SEL1L3: variants seen among roughly 807,000 people sequenced by gnomAD.
SEL1L3 encodes the protein SEL1L family member 3.
SEL1L3 carries 76 observed loss-of-function variants against 142.8 expected under a neutral mutation model. The observed-to-expected ratio is 0.53, with a 90% CI of 0.44 to 0.64. The LOEUF is 0.64. SEL1L3 is among the 30% of genes least tolerant of loss of function. The pLI, the probability that SEL1L3 is intolerant of heterozygous loss-of-function variation, is 0.00. For synonymous variants in SEL1L3, 504 were observed against 519.6 expected (o/e 0.97, Z 0.41); for missense variants, 1,262 against 1,381.7 (o/e 0.91, Z 1.37).
intron 9 of SEL1L3, among the ~76,000 whole-genome samples, chr4:25,814,116 C>A (rs1714212741): frequency 6.6e-6 from 1 of 152,054 alleles, no homozygotes; most frequent in African/African-American, 2.4e-5. Context: ...GACTCTCAGA[C>A]AGAACCAGAA....
intron 23 of SEL1L3, 68 bp downstream of exon 23, chr4:25,757,457 CAAAAAAAAA>C (rs879068722): frequency 2.2e-5 from 9 of 407,918 alleles, no homozygotes; most frequent in Admixed American, 7.4e-5. Flanking sequence ...TCCAGTAGAC[CAAAAAAAAA>C]AAAAAAAAAA....
chr4:25,729,380 C>A, the SEL1L3 span, among the ~76,000 whole-genome samples: 1 of 152,150 alleles, frequency 6.6e-6, no homozygotes, highest in Non-Finnish European at 1.5e-5. Flanking sequence ...ACGTGACCAC[C>A]CTTCATGAGT....
At chr4:25,840,765 C>T (rs1716115616) in intron 2 of SEL1L3, among the ~76,000 whole-genome samples, 1 of 152,200 alleles carries the variant, frequency 6.6e-6, no homozygotes, top group Admixed American at 6.5e-5. Flanking sequence ...CACTCCATGG[C>T]AGACAGTAAC....
At position 25,753,805 on chromosome 4, in the gene SEL1L3, G is replaced by A. The variant is rs1014769268; in HGVS notation, c.3259+3729C>T. 4.6e-5 allele frequency among the ~76,000 whole-genome samples: 7 copies of A among 152,142 alleles called. No individual in the cohort carries two copies. In the East Asian group the frequency reaches 9.7e-4, roughly 21 times the overall value. ...TCAAGACCAGCCTGGCCAACATGGC[G>A]AAAGCCCATCTCTACTAAAAGTACA... On this transcript the variant is annotated intron_variant, in intron 23 of 23. Transcript: ENST00000399878.
At chr4:25,732,067 C>G in the SEL1L3 span, among the ~76,000 whole-genome samples, 2 of 151,600 alleles carry the variant, frequency 1.3e-5, no homozygotes, top group African/African-American at 4.9e-5. Flanking sequence ...GAGTGGGAGT[C>G]TGTGAAAGGA....
the SEL1L3 span, among the ~76,000 whole-genome samples, chr4:25,737,625 C>T: frequency 4.6e-3 from 707 of 152,274 alleles, 3 homozygotes; most frequent in African/African-American, 0.013. Context: ...CACAAACATT[C>T]AGTCCATAAC....
At chr4:25,853,464 C>T (rs923790385) in intron 1 of SEL1L3, among the ~76,000 whole-genome samples, 6 of 152,056 alleles carry the variant, frequency 3.9e-5, no homozygotes, top group Non-Finnish European at 1.5e-5. Context: ...TCATATTAAG[C>T]ACTTGTAATG....
chr4:25,716,635 G>T, the SEL1L3 span, among the ~76,000 whole-genome samples: 2 of 152,038 alleles, frequency 1.3e-5, no homozygotes, highest in Non-Finnish European at 2.9e-5. Context: ...ACATTATATA[G>T]CAATATTCCT....
chr4:25,772,481 T>TTACA (rs1719293341), intron 17 of SEL1L3, among the ~76,000 whole-genome samples: 1 of 152,094 alleles, frequency 6.6e-6, no homozygotes, highest in African/African-American at 2.4e-5. Context: ...ACTCCTAAGT[T>TTACA]TACATTCTAG....
chr4:25,777,960 CTTT>C (rs1719748688), intron 16 of SEL1L3: 2 of 415,896 alleles, frequency 4.8e-6, no homozygotes, highest in Non-Finnish European at 4.8e-6. Context: ...GCATATTCTT[CTTT>C]ATTTGTTTTA....
chr4:25,719,630 T>TAGGCTGATG, the SEL1L3 span: 1 of 152,158 alleles, frequency 6.6e-6, no homozygotes, highest in African/African-American at 2.4e-5. Context: ...TAAAAAATAG[T>TAGGCTGATG]AGGCTGATGA....
chr4:25,853,845 TA>T (rs1717064451), intron 1 of SEL1L3, among the ~76,000 whole-genome samples: 1 of 152,068 alleles, frequency 6.6e-6, no homozygotes, highest in South Asian at 2.1e-4. Flanking sequence ...CTAATTTTTG[TA>T]TTTTCAGTAG....
intron 17 of SEL1L3, among the ~76,000 whole-genome samples, chr4:25,769,718 T>C (rs1183948270): frequency 2.0e-5 from 3 of 152,098 alleles, no homozygotes; most frequent in Non-Finnish European, 4.4e-5. Context: ...CCACCAGGGA[T>C]TGATGAGGAA....
the SEL1L3 span, among the ~76,000 whole-genome samples, chr4:25,724,096 G>A: frequency 3.3e-5 from 5 of 152,154 alleles, no homozygotes; most frequent in African/African-American, 9.7e-5. Context: ...TTTCAATTTT[G>A]AAATGTTTCC....
intron 15 of SEL1L3, among the ~76,000 whole-genome samples, chr4:25,780,797 A>G (rs1473672256): frequency 7.2e-6 from 1 of 138,966 alleles, no homozygotes; most frequent in Non-Finnish European, 1.5e-5. Flanking sequence ...ACATAAATAA[A>G]ATATATATAA....
At chr4:25,729,730 C>T in the SEL1L3 span, among the ~76,000 whole-genome samples, 1 of 146,658 alleles carries the variant, frequency 6.8e-6, no homozygotes, top group African/African-American at 2.6e-5. Flanking sequence ...AAAAACAAAA[C>T]AAAACATATA....
intron 19 of SEL1L3, among the ~76,000 whole-genome samples, chr4:25,766,540 T>C (rs1462898198): frequency 6.6e-6 from 1 of 150,846 alleles, no homozygotes; most frequent in African/African-American, 2.4e-5. Context: ...CATGGGGAAG[T>C]AGTTACTAGG....
intron 17 of SEL1L3, among the ~76,000 whole-genome samples, chr4:25,768,524 C>G (rs533599422): frequency 3.3e-5 from 5 of 152,150 alleles, no homozygotes; most frequent in Admixed American, 1.3e-4. Flanking sequence ...GAAGGACAGG[C>G]GGGAGGAGTC....
chr4:25,856,803 TA>T (rs931505960), intron 1 of SEL1L3, among the ~76,000 whole-genome samples: 10 of 152,284 alleles, frequency 6.6e-5, no homozygotes, highest in African/African-American at 1.9e-4. Context: ...AGAAAATCAA[TA>T]AGAAGAGATG....
Sources: allele counts gnomAD v4.1 joint callset (sites outside exome capture counted in the v4.1 genomes callset), GRCh38; gene constraint gnomAD v4.1.1; transcripts MANE v1.5; gene names NCBI Gene and HGNC (gene_info 2026-07-23, HGNC 2026-07-21).